YIPF4: variants seen among roughly 807,000 people sequenced by gnomAD.
The protein encoded by YIPF4 is protein YIPF4.
Under a neutral mutation model 29.4 loss-of-function variants are expected in YIPF4, and 18 were observed. That is an observed-to-expected ratio of 0.61 (90% CI 0.42 to 0.91). YIPF4 has a LOEUF of 0.91. Among genes scored for constraint, YIPF4 ranks in the 40% least tolerant of loss-of-function variants. The pLI is 0.00. For missense variants in YIPF4, 279 were observed against 282.7 expected, an observed-to-expected ratio of 0.99 and a Z score of 0.09; for synonymous variants, 115 against 104.7, an observed-to-expected ratio of 1.10 and a Z score of -0.60.
intron 2 of YIPF4, 82 bp from the exon 3 acceptor site, chr2:32,292,092 TTTA>T: frequency 2.2e-6 from 2 of 917,800 alleles, no homozygotes; most frequent in Admixed American, 3.6e-5. Flanking sequence ...AACTGTCTTA[TTTA>T]AAGTTTTCTT....
intron 3 of YIPF4, among the ~76,000 whole-genome samples, chr2:32,293,192 C>T (rs2030997411): frequency 1.3e-5 from 2 of 151,910 alleles, no homozygotes; most frequent in South Asian, 4.1e-4. Flanking sequence ...AACAAAGAAA[C>T]AAGTGAACAA....
chr2:32,292,102 T>C (rs1558476967), intron 2 of YIPF4, 75 bp from the exon 3 acceptor site: 2 of 1,045,348 alleles, frequency 1.9e-6, no homozygotes, highest in East Asian at 2.9e-5. Flanking sequence ...TTTAAAGTTT[T>C]CTTAATTTTT....
intron 3 of YIPF4, among the ~76,000 whole-genome samples, chr2:32,293,344 C>T (rs1464287137): frequency 2.6e-5 from 4 of 152,086 alleles, no homozygotes; most frequent in Non-Finnish European, 4.4e-5. Context: ...CATCTTGCAC[C>T]GCCCTTAACC....
At position 32,307,134 on chromosome 2, in the gene YIPF4, G is replaced by A; in HGVS notation, c.*1508G>A. ...AAGCACCAGAGGGACAGGACTTCTA[G>A]AAGTTAGAATAATATGAAGTAATCA... On this transcript the variant is annotated 3_prime_UTR_variant, in exon 6 of 6. Coordinates refer to ENST00000238831, the MANE Select transcript of YIPF4 (RefSeq NM_032312.4). 7.7e-7 allele frequency: 1 copy of A among 1,299,612 alleles called. No individual in the cohort carries two copies. The highest frequency in any genetic ancestry group is 1.5e-5 in the African/African-American group (1 of 65,644). The allele number at this position is 1,299,612 out of a possible 1,614,324, so 80.5% of individuals were successfully genotyped here. A position where few individuals can be genotyped will look rare whatever the true frequency, so the allele number is the denominator to read the frequency against.
Position 32,312,506 on chromosome 2 carries a change from A to G in YIPF4, c.*6880A>G, listed in dbSNP as rs2031734442. 1 of 150,258 alleles carries G rather than the reference A, an allele frequency of 6.7e-6. No homozygotes were observed. The highest frequency in any genetic ancestry group is 1.5e-5 in the Non-Finnish European group (1 of 67,636). 9.3% of individuals were successfully genotyped at this position (150,258 alleles called of 1,614,324 possible). On this transcript the variant is annotated 3_prime_UTR_variant, in exon 6 of 6. Transcript: ENST00000238831. ...CCGTCTCAAAAAAAAAAAAAAAAAA[A>G]AAAAAAAAAAAAATTATTTTCAAAG...
chr2:32,307,050 C>G lies in YIPF4; in HGVS notation c.*1424C>G. The G allele has an allele frequency of 8.4e-7, 1 of 1,191,204 alleles. No homozygotes were observed. The highest frequency in any genetic ancestry group is 1.1e-6 in the Non-Finnish European group (1 of 913,484). The allele number at this position is 1,191,204 out of a possible 1,614,324, so 73.8% of individuals were successfully genotyped here. A position where few individuals can be genotyped will look rare whatever the true frequency, so the allele number is the denominator to read the frequency against. ...TAAGCTGCAGAAAAAGTGTGGAGCA[C>G]TTTTGAGCTAGAATAATGTAGAAAA... On this transcript the variant is annotated 3_prime_UTR_variant, in exon 6 of 6. Coordinates refer to ENST00000238831, the MANE Select transcript of YIPF4 (RefSeq NM_032312.4).
chr2:32,291,310 G>A (rs1009218113), intron 2 of YIPF4, among the ~76,000 whole-genome samples: 14 of 152,308 alleles, frequency 9.2e-5, no homozygotes, highest in African/African-American at 2.9e-4. Context: ...CGAGGTGGGC[G>A]AATCACTTGA....
chr2:32,303,137 A>C (rs909127836), intron 5 of YIPF4, among the ~76,000 whole-genome samples: 1 of 152,138 alleles, frequency 6.6e-6, no homozygotes, highest in African/African-American at 2.4e-5. Flanking sequence ...GGCTGAGGCG[A>C]ATGGATTACT....
intron 1 of YIPF4, among the ~76,000 whole-genome samples, chr2:32,282,402 C>T (rs923426147): frequency 5.3e-5 from 8 of 152,302 alleles, no homozygotes; most frequent in African/African-American, 1.9e-4. Flanking sequence ...AATTACTCTC[C>T]ATGTGATCTT....
rs2031022978 is a variant in YIPF4, at chr2:32,293,700, G to A, written c.405+1352G>A. 2.0e-5 allele frequency among the ~76,000 whole-genome samples: 3 copies of A among 151,754 alleles called. No homozygotes were observed. In the South Asian group the frequency reaches 6.2e-4, roughly 31 times the overall value. ...AGGCACCCCTCACCTCCCGGAAGGG[G>A]CGGCTGGCCGGGCGGGGGGCTGACC... On this transcript the variant is annotated intron_variant, in intron 3 of 5. Transcript: ENST00000238831.
chr2:32,305,877 A>G lies in YIPF4; in HGVS notation c.*251A>G, dbSNP rs193230225. ...ATTCCAGTGAATAAAATACAAAAGC[A>G]TTGTGTTTTTAAGATTGTGTCGATA... is the stretch of plus-strand genomic sequence containing the variant. On this transcript the variant is annotated 3_prime_UTR_variant, in exon 6 of 6. Coordinates refer to ENST00000238831, the MANE Select transcript of YIPF4 (RefSeq NM_032312.4). 1.7e-3 allele frequency: 1,841 copies of G among 1,097,860 alleles called. 2 individuals are homozygous for G. The highest frequency in any genetic ancestry group is 1.9e-3 in the Non-Finnish European group (1,706 of 904,322). The allele number at this position is 1,097,860 out of a possible 1,614,324, so 68.0% of individuals were successfully genotyped here.
At chr2:32,292,433 C>T in intron 3 of YIPF4, 85 bp downstream of exon 3, 1 of 1,019,946 alleles carries the variant, frequency 9.8e-7, no homozygotes, top group Non-Finnish European at 1.3e-6. Context: ...TGTAATATAC[C>T]ATATTATGTT....
At chr2:32,279,192 C>T (rs971207632) in intron 1 of YIPF4, among the ~76,000 whole-genome samples, 11 of 151,826 alleles carry the variant, frequency 7.2e-5, no homozygotes, top group African/African-American at 2.4e-4. Context: ...GATGGTCTCT[C>T]GATCTCCTGA....
In YIPF4 at chr2:32,306,753, G is replaced by A. The variant is rs1288998393; in HGVS notation, c.*1127G>A. 2 of 258,114 alleles carry A rather than the reference G, an allele frequency of 7.7e-6. No individual in the cohort carries two copies. The highest frequency in any genetic ancestry group is 1.2e-5 in the Non-Finnish European group (2 of 164,798). 16.0% of individuals were successfully genotyped at this position (258,114 alleles called of 1,614,324 possible). ...CCTGTAGTTAATATTACTTTGTAAA[G>A]TAGGTAAATCATTTTATTTATGTCC... On this transcript the variant is annotated 3_prime_UTR_variant, in exon 6 of 6. Transcript: ENST00000238831.
chr2:32,301,374 A>T lies in YIPF4; in HGVS notation c.484-8A>T. ...ATGATATTTATTTGAAATTTTCAAA[A>T]TTCACAGGTTGCATATGGCCAAGTC... is the stretch of plus-strand genomic sequence containing the variant. On this transcript the variant is annotated splice_region_variant and splice_polypyrimidine_tract_variant and intron_variant, in intron 4 of 5. Coordinates refer to ENST00000238831, the MANE Select transcript of YIPF4 (RefSeq NM_032312.4). 1 of 1,566,194 alleles carries T rather than the reference A, an allele frequency of 6.4e-7. No homozygotes were observed.
In YIPF4 at chr2:32,314,481, C is replaced by G. The variant is rs755664219; in HGVS notation, c.*8855C>G. 1.3e-5 allele frequency: 2 copies of G among 152,152 alleles called. No individual in the cohort carries two copies. The highest frequency in any genetic ancestry group is 1.5e-5 in the Non-Finnish European group (1 of 68,058). 9.4% of individuals were successfully genotyped at this position (152,152 alleles called of 1,614,324 possible). ...CTGAGGTTGGGAGTTTGAGACCAGC[C>G]TGACCAACATGGAGAAACCCCATCT... On this transcript the variant is annotated 3_prime_UTR_variant, in exon 6 of 6. Transcript: ENST00000238831.
In YIPF4 at chr2:32,315,280, AT is replaced by A. The variant is rs1382398379; in HGVS notation, c.*9655del. ...AAGCCCCACTTAGTGGCTTCCATCCATGTCTCATGGGACAGAACTGAATCAC... is the reference window on the plus strand; with the variant it reads ...AAGCCCCACTTAGTGGCTTCCATCCAGTCTCATGGGACAGAACTGAATCAC... On this transcript the variant is annotated 3_prime_UTR_variant, in exon 6 of 6. Coordinates refer to ENST00000238831, the MANE Select transcript of YIPF4 (RefSeq NM_032312.4). 2 of 152,184 alleles carry A rather than the reference AT, an allele frequency of 1.3e-5. No homozygotes were observed. Among genetic ancestry groups the A allele is most frequent in the Non-Finnish European group, 2.9e-5 (2 of 68,032 alleles). The allele number at this position is 152,184 out of a possible 1,614,324, so 9.4% of individuals were successfully genotyped here.
At position 32,298,272 on chromosome 2, in the gene YIPF4, A is replaced by T. The variant is rs1243540207; in HGVS notation, c.444A>T (p.Ser148=). ...TTATAACCATTTGGATATTTGGTTC[A>T]CTAACAATTTTCTTACTGGCCAGAG... ...SWIITIWIFG[S]LTIFLLARVL... The change falls in exon 4 of 6, where the codon TCA becomes TCT. Residue 148 remains serine, a synonymous_variant. Coordinates refer to ENST00000238831, the MANE Select transcript of YIPF4 (RefSeq NM_032312.4). The T allele has an allele frequency of 6.2e-7, 1 of 1,610,406 alleles. No individual in the cohort carries two copies. Among genetic ancestry groups the T allele is most frequent in the East Asian group, 2.2e-5 (1 of 44,648 alleles).
At chr2:32,296,148 T>C (rs2031172362) in intron 3 of YIPF4, among the ~76,000 whole-genome samples, 2 of 152,208 alleles carry the variant, frequency 1.3e-5, no homozygotes, top group Admixed American at 1.3e-4. Flanking sequence ...TAATTGTATC[T>C]GTTTTGTATA....
Sources: allele counts gnomAD v4.1 joint callset (sites outside exome capture counted in the v4.1 genomes callset), GRCh38; gene constraint gnomAD v4.1.1; transcripts MANE v1.5; gene names NCBI Gene and HGNC (gene_info 2026-07-23, HGNC 2026-07-21).